METTL21C: variants seen among roughly 807,000 people sequenced by gnomAD.
METTL21C encodes the protein methyltransferase 21C, AARS1 lysine, also known as protein-lysine methyltransferase METTL21C.
In METTL21C, 21 loss-of-function variants were observed where a neutral mutation model predicts 25.9. That is an observed-to-expected ratio of 0.81 (90% confidence interval 0.58 to 1.17). METTL21C has a LOEUF of 1.17. Ranked by LOEUF, METTL21C falls within the 50% of genes most tolerant of loss-of-function variation. The pLI is 0.00. For synonymous variants in METTL21C, 125 were observed against 124.7 expected (o/e 1.00, Z -0.01); for missense variants, 312 against 315.1 (o/e 0.99, Z 0.07).
In METTL21C at chr13:102,690,810, C is replaced by T. The variant is rs1318825696; in HGVS notation, c.282+3G>A. The T allele has an allele frequency of 6.2e-7, 1 of 1,612,322 alleles. No homozygotes were observed. The highest frequency in any genetic ancestry group is 8.5e-7 in the Non-Finnish European group (1 of 1,179,548). On this transcript the variant is annotated splice_donor_region_variant and intron_variant, in intron 2 of 3. Transcript: ENST00000267273. ...GACATCACAAATATGACAGTTCTCTCACCCCTGGCCACACCACCGCTCCGT... is the reference window on the plus strand; with the variant it reads ...GACATCACAAATATGACAGTTCTCTTACCCCTGGCCACACCACCGCTCCGT...
At chr13:102,686,572 G>T in intron 3 of METTL21C, 147 bp from the exon 4 acceptor site, 1 of 962,706 alleles carries the variant, frequency 1.0e-6, no homozygotes, top group Non-Finnish European at 1.5e-6. Flanking sequence ...ATGTGGGCTG[G>T]CTAATTCTTG....
At chr13:102,696,119 A>G (rs1188651310), upstream of METTL21C, among the ~76,000 whole-genome samples, 1 of 151,998 alleles carries the variant, frequency 6.6e-6, no homozygotes, top group Non-Finnish European at 1.5e-5. Flanking sequence ...TTTTAAAGCT[A>G]TTTTACTGAA....
Position 102,694,445 on chromosome 13 carries a change from G to A in METTL21C, c.54C>T (p.Leu18=), listed in dbSNP as rs1448536517. The change falls in exon 1 of 4, where the codon CTC becomes CTT. Residue 18 remains leucine, a synonymous_variant. Transcript: ENST00000267273. ...AQQPGRRGEG[L]SSPGGWLEAE... ...CCTCTAACCAGCCACCCGGGGAGCT[G>A]AGTCCTTCCCCCCGGCGCCCAGGCT... is the stretch of plus-strand genomic sequence containing the variant. 6.8e-7 allele frequency: 1 copy of A among 1,463,334 alleles called. No individual in the cohort carries two copies. Among genetic ancestry groups the A allele is most frequent in the Non-Finnish European group, 9.0e-7 (1 of 1,113,954 alleles). 90.6% of individuals were successfully genotyped at this position (1,463,334 alleles called of 1,614,324 possible).
chr13:102,689,095 A>AT (rs11419397), intron 2 of METTL21C, among the ~76,000 whole-genome samples: 3,712 of 151,628 alleles, frequency 0.024, 151 homozygotes, highest in African/African-American at 0.084. Flanking sequence ...TTTTTTTTAA[A>AT]ATTATTATTT....
upstream of METTL21C, among the ~76,000 whole-genome samples, chr13:102,697,034 G>C (rs1885958876): frequency 6.6e-6 from 1 of 152,166 alleles, no homozygotes; most frequent in South Asian, 2.1e-4. Context: ...CGCTGATGAA[G>C]TCAGTTACTG....
chr13:102,690,732 A>G (rs1471174149), intron 2 of METTL21C, 81 bp downstream of exon 2: 4 of 1,510,978 alleles, frequency 2.6e-6, no homozygotes, highest in Admixed American at 4.0e-5. Context: ...AAGGAACTTG[A>G]CAAATTGTCC....
At chr13:102,704,106 T>C in the METTL21C span, among the ~76,000 whole-genome samples, 1 of 152,244 alleles carries the variant, frequency 6.6e-6, no homozygotes, top group Non-Finnish European at 1.5e-5. Flanking sequence ...ATAGAAAATG[T>C]TACAATCCAA....
At position 102,686,978 on chromosome 13, in the gene METTL21C, G is replaced by C. The variant is rs759769473; in HGVS notation, c.362C>G (p.Ala121Gly). 6.2e-7 allele frequency: 1 copy of C among 1,613,982 alleles called. No homozygotes were observed. Among genetic ancestry groups the C allele is most frequent in the Non-Finnish European group, 8.5e-7 (1 of 1,179,984 alleles). ...CACAATGGAAACAAGGCCTGGTCCGGCACCAATTTCAAGTATTTTTGCATC... is the reference window on the plus strand; with the variant it reads ...CACAATGGAAACAAGGCCTGGTCCGCCACCAATTTCAAGTATTTTTGCATC... ...FQDAKILEIG[A>G]GPGLVSIVAS... is the part of the protein sequence containing the mutation. The change falls in exon 3 of 4, where the codon GCC (alanine) becomes GGC (glycine). Residue 121 changes from alanine to glycine, a missense_variant. By Grantham distance (60) the Ala-to-Gly change is moderately conservative. Coordinates refer to ENST00000267273, the MANE Select transcript of METTL21C (RefSeq NM_001010977.3).
chr13:102,697,326 G>T (rs1361545134), upstream of METTL21C, among the ~76,000 whole-genome samples: 2 of 152,032 alleles, frequency 1.3e-5, no homozygotes, highest in Admixed American at 1.3e-4. Context: ...CAATTTGGGG[G>T]AGACATTATT....
chr13:102,687,327 C>T (rs1053297409), intron 2 of METTL21C, among the ~76,000 whole-genome samples: 6 of 152,216 alleles, frequency 3.9e-5, no homozygotes, highest in African/African-American at 1.2e-4. Flanking sequence ...ATCAGCTTAG[C>T]TCTTTCAAAT....
At chr13:102,698,170 A>G (rs938930734), upstream of METTL21C, among the ~76,000 whole-genome samples, 5 of 152,140 alleles carry the variant, frequency 3.3e-5, no homozygotes, top group Admixed American at 2.6e-4. Context: ...AATGTCTCAT[A>G]TTATCTTGTA....
intron 2 of METTL21C, among the ~76,000 whole-genome samples, chr13:102,688,950 G>A (rs578038435): frequency 1.1e-4 from 17 of 152,276 alleles, no homozygotes; most frequent in East Asian, 5.8e-4. Flanking sequence ...GGAAAAGGGC[G>A]CCTTCCCACT....
chr13:102,689,494 G>A (rs1257250321), intron 2 of METTL21C, among the ~76,000 whole-genome samples: 1 of 152,190 alleles, frequency 6.6e-6, no homozygotes, highest in Non-Finnish European at 1.5e-5. Context: ...TGACCTGAGG[G>A]AGCCCCGTGG....
chr13:102,688,577 C>T (rs1466109856), intron 2 of METTL21C, among the ~76,000 whole-genome samples: 1 of 152,176 alleles, frequency 6.6e-6, no homozygotes, highest in Non-Finnish European at 1.5e-5. Context: ...GCACCAACTG[C>T]AGCACGCTGC....
Position 102,690,952 on chromosome 13 carries a change from A to C in METTL21C, c.143T>G (p.Ile48Arg). 6.2e-7 allele frequency: 1 copy of C among 1,613,922 alleles called. No homozygotes were observed. Among genetic ancestry groups the C allele is most frequent in the Non-Finnish European group, 8.5e-7 (1 of 1,179,980 alleles). The change falls in exon 2 of 4, where the codon ATA (isoleucine) becomes AGA (arginine). Residue 48 changes from isoleucine (I) to arginine (R), a missense_variant. Physicochemically the swap from Ile to Arg is moderately conservative, Grantham distance 97 (BLOSUM62 -3). Coordinates refer to ENST00000267273, the MANE Select transcript of METTL21C (RefSeq NM_001010977.3). ...CTGGAGGCTATGAAGAGATGGTTCT[A>C]TCTTGTTGGATTCTGTGAAGCAGAA... ...TGGVLEESNK[I>R]EPSLHSLQKF...
At chr13:102,702,203 A>C in the METTL21C span, among the ~76,000 whole-genome samples, 1 of 144,952 alleles carries the variant, frequency 6.9e-6, no homozygotes, top group Non-Finnish European at 1.5e-5. Flanking sequence ...ACATATATAT[A>C]TATGTAGAGA....
intron 2 of METTL21C, 44 bp from the exon 3 acceptor site, chr13:102,687,101 G>A (rs1885696068): frequency 1.4e-6 from 2 of 1,453,384 alleles, no homozygotes; most frequent in Non-Finnish European, 1.9e-6. Context: ...TGGAACATTG[G>A]AAACCAGTAG....
intron 2 of METTL21C, among the ~76,000 whole-genome samples, chr13:102,688,795 C>T (rs538288446): frequency 2.0e-5 from 3 of 152,284 alleles, no homozygotes; most frequent in East Asian, 3.9e-4. Context: ...CTGTGAGGGG[C>T]TGGCCGCAGG....
chr13:102,690,100 C>T (rs1293247579), intron 2 of METTL21C, among the ~76,000 whole-genome samples: 1 of 152,234 alleles, frequency 6.6e-6, no homozygotes, highest in Middle Eastern at 3.4e-3. Flanking sequence ...AACATCCCTA[C>T]CGACACAGCC....
Sources: gnomAD v4.1 joint callset for allele counts (sites outside exome capture counted in the v4.1 genomes callset) on GRCh38, gnomAD v4.1.1 for gene constraint, MANE v1.5 for transcripts, NCBI Gene and HGNC (gene_info 2026-07-23, HGNC 2026-07-21) for gene names.